Variants in DNAH2 observed in about 807,000 individuals in gnomAD.
DNAH2 encodes the protein dynein axonemal heavy chain 2.
Under a neutral mutation model 523.5 loss-of-function variants are expected in DNAH2, and 323 were observed. That is an observed-to-expected ratio of 0.62 (90% CI 0.56 to 0.68). DNAH2 has a LOEUF of 0.68. Ranked by LOEUF, DNAH2 falls within the 30% of genes least tolerant of loss-of-function variation. The pLI is 0.00. For synonymous variants in DNAH2, 2,093 were observed against 2,177.4 expected (o/e 0.96, Z 1.08); for missense variants, 4,907 against 5,701.5 (o/e 0.86, Z 4.49).
In DNAH2 at chr17:7,824,138, C is replaced by A; in HGVS notation, c.11496C>A (p.Thr3832=). The A allele has an allele frequency of 6.4e-7, 1 of 1,561,726 alleles. No individual in the cohort carries two copies. Among genetic ancestry groups the A allele is most frequent in the African/African-American group, 1.4e-5 (1 of 73,744 alleles). The change falls in exon 76 of 86, where the codon ACC becomes ACA. Residue 3832 remains threonine, a synonymous_variant. Coordinates refer to ENST00000572933, the MANE Select transcript of DNAH2 (RefSeq NM_020877.5). The part of the protein sequence containing the change: ...LNMKSVLEDS[T]PRSPLVFILS... ...TCTGGCAGGTGCTGGAGGATTCAAC[C>A]CCACGATCCCCACTCGTGTTCATCC...
chr17:7,824,705 A>G lies in DNAH2; in HGVS notation c.11831A>G (p.Lys3944Arg). The change falls in exon 77 of 86, where the codon AAG becomes AGG. Residue 3944 changes from lysine (K) to arginine (R), a missense_variant. By Grantham distance (26) the Lys-to-Arg change is conservative (BLOSUM62 2). Around this residue, in one of 3 missense-constraint regions of DNAH2, gnomAD observed 1,851 missense variants for 2,139.4 expected, o/e 0.87. Transcript: ENST00000572933. ...FPISILQVSI[K>R]MTTEPPKGLK... ...ATCTCAATCTTGCAGGTCAGCATCA[A>G]GATGACCACAGAGCCACCAAAGGTA... 6.3e-7 allele frequency: 1 copy of G among 1,582,488 alleles called. No individual in the cohort carries two copies. Among genetic ancestry groups the G allele is most frequent in the Non-Finnish European group, 8.6e-7 (1 of 1,159,268 alleles).
intron 44 of DNAH2, among the ~76,000 whole-genome samples, chr17:7,789,700 C>T (rs1240680344): frequency 6.6e-6 from 1 of 151,990 alleles, no homozygotes; most frequent in Admixed American, 6.6e-5. Context: ...CCTCAGCCTC[C>T]TGAGTAGCTG....
intron 4 of DNAH2, among the ~76,000 whole-genome samples, 185 bp from the exon 5 acceptor site, chr17:7,732,902 C>T (rs983320282): frequency 3.3e-5 from 5 of 152,192 alleles, no homozygotes; most frequent in Admixed American, 1.3e-4. Context: ...CTCTGCATTT[C>T]CTCCCCACAT....
At chr17:7,784,550 T>C (rs1029415609) in intron 39 of DNAH2, among the ~76,000 whole-genome samples, 3 of 151,938 alleles carry the variant, frequency 2.0e-5, no homozygotes, top group African/African-American at 7.3e-5. Flanking sequence ...CTCAACTCAA[T>C]AAAATAAAAT....
At chr17:7,776,949 G>A in intron 32 of DNAH2, 60 bp downstream of exon 32, 8 of 1,402,912 alleles carry the variant, frequency 5.7e-6, no homozygotes, top group Middle Eastern at 1.8e-4. Context: ...AGGCAGAGGT[G>A]GTAGGAGCCC....
At chr17:7,746,072 A>T (rs2075510455) in intron 12 of DNAH2, among the ~76,000 whole-genome samples, 2 of 152,344 alleles carry the variant, frequency 1.3e-5, no homozygotes, top group South Asian at 2.1e-4. Flanking sequence ...ACAAAGAATG[A>T]ACAACCAAGA....
chr17:7,790,047 A>C (rs1034671944), intron 44 of DNAH2, among the ~76,000 whole-genome samples: 1 of 152,080 alleles, frequency 6.6e-6, no homozygotes. Context: ...TCCCTTTGCC[A>C]GGGATGGTTT....
At chr17:7,813,864 C>T (rs899144277) in intron 63 of DNAH2, among the ~76,000 whole-genome samples, 8 of 150,116 alleles carry the variant, frequency 5.3e-5, no homozygotes, top group African/African-American at 1.2e-4. Context: ...GCCAAGATGG[C>T]GCCACTGCAC....
chr17:7,801,092 C>T (rs1214785292), intron 56 of DNAH2, among the ~76,000 whole-genome samples: 1 of 151,810 alleles, frequency 6.6e-6, no homozygotes, highest in Non-Finnish European at 1.5e-5. Context: ...AGGATGGTTT[C>T]GAACACGTGG....
chr17:7,767,262 C>T (rs1192734337), intron 22 of DNAH2, among the ~76,000 whole-genome samples: 1 of 152,122 alleles, frequency 6.6e-6, no homozygotes, highest in African/African-American at 2.4e-5. Flanking sequence ...TGGCATGGAT[C>T]AGTACTTTTT....
intron 46 of DNAH2, 106 bp downstream of exon 46, chr17:7,792,449 G>A: frequency 8.0e-7 from 1 of 1,249,658 alleles, no homozygotes; most frequent in Non-Finnish European, 1.2e-6. Flanking sequence ...GGAAGGAGAA[G>A]GTGGGTCCCA....
rs1233128971 is a variant in DNAH2 at position 7,717,923 on chromosome 17, G to A, written c.-891G>A. Reference sequence around the variant, plus strand: ...AGGAAGGGACAGTTGTTGGGGAGAAGAGGCAGTTGTGGAGGGAGAGGGAGC... The same window carrying A: ...AGGAAGGGACAGTTGTTGGGGAGAAAAGGCAGTTGTGGAGGGAGAGGGAGC... On this transcript the variant is annotated 5_prime_UTR_variant, in exon 1 of 86. Coordinates refer to ENST00000572933, the MANE Select transcript of DNAH2 (RefSeq NM_020877.5). 1.3e-5 allele frequency: 2 copies of A among 151,274 alleles called. No homozygotes were observed. The highest frequency in any genetic ancestry group is 2.9e-5 in the Non-Finnish European group (2 of 67,862). 9.4% of individuals were successfully genotyped at this position (151,274 alleles called of 1,614,324 possible).
chr17:7,726,933 C>T (rs939823733), intron 3 of DNAH2, among the ~76,000 whole-genome samples, 189 bp from the exon 4 acceptor site: 5 of 152,242 alleles, frequency 3.3e-5, no homozygotes, highest in African/African-American at 1.2e-4. Flanking sequence ...TGTTTTATTA[C>T]TCTTAGAGGC....
At chr17:7,739,156 A>G (rs574583525) in intron 8 of DNAH2, 16 of 565,780 alleles carry the variant, frequency 2.8e-5, no homozygotes, top group Non-Finnish European at 4.9e-5. Context: ...CTGTAATCCC[A>G]GCACTTTGGG....
At chr17:7,751,543 ATTGT>A (rs1476396141) in intron 12 of DNAH2, among the ~76,000 whole-genome samples, 1 of 151,978 alleles carries the variant, frequency 6.6e-6, no homozygotes, top group Non-Finnish European at 1.5e-5. Context: ...TTTGTATTTC[ATTGT>A]TTGTTTGTTT....
rs1403268533 is a variant in DNAH2 at position 7,755,912 on chromosome 17, G to A, written c.1905-1179G>A. Among the ~76,000 whole-genome samples the A allele has an allele frequency of 3.3e-5, 5 of 150,486 alleles. No individual in the cohort carries two copies. In the East Asian group the frequency reaches 9.9e-4, roughly 30 times the overall value. On this transcript the variant is annotated intron_variant, in intron 12 of 85. Coordinates refer to ENST00000572933, the MANE Select transcript of DNAH2 (RefSeq NM_020877.5). ...CCTCCCAGGTTCAAGCGATTCTCCTGCCTCAGCCTCCTGACTGATATCTCA... is the reference window on the plus strand; with the variant it reads ...CCTCCCAGGTTCAAGCGATTCTCCTACCTCAGCCTCCTGACTGATATCTCA...
At chr17:7,814,790 C>T (rs1483104935) in intron 63 of DNAH2, among the ~76,000 whole-genome samples, 3 of 152,118 alleles carry the variant, frequency 2.0e-5, no homozygotes, top group East Asian at 1.9e-4. Context: ...GCAGAGGTTG[C>T]GGTGAGGTGA....
In DNAH2 at chr17:7,796,664, C is replaced by T; in HGVS notation, c.7863+12C>T. On this transcript the variant is annotated intron_variant, in intron 50 of 85. Coordinates refer to ENST00000572933, the MANE Select transcript of DNAH2 (RefSeq NM_020877.5). ...GAGACATCTCCAAGGTGACTCGCGGCCTGACCTTGCCCCTTCTGCTTGGCC... is the reference window on the plus strand; with the variant it reads ...GAGACATCTCCAAGGTGACTCGCGGTCTGACCTTGCCCCTTCTGCTTGGCC... 3 of 1,605,812 alleles carry T rather than the reference C, an allele frequency of 1.9e-6. No homozygotes were observed. Among genetic ancestry groups the T allele is most frequent in the Non-Finnish European group, 2.6e-6 (3 of 1,176,226 alleles).
In DNAH2 at chr17:7,797,545, G is replaced by C. The variant is rs2077100366; in HGVS notation, c.8080+15G>C. 6.2e-7 allele frequency: 1 copy of C among 1,614,178 alleles called. No homozygotes were observed. The highest frequency in any genetic ancestry group is 8.5e-7 in the Non-Finnish European group (1 of 1,180,022). ...TCCTATCTTTGGTGAGCCAGGAGCT[G>C]TGATGACCTTGGGCTTGACACTCTT... On this transcript the variant is annotated intron_variant, in intron 52 of 85. Coordinates refer to ENST00000572933, the MANE Select transcript of DNAH2 (RefSeq NM_020877.5).
Sources: allele counts gnomAD v4.1 joint callset (sites outside exome capture counted in the v4.1 genomes callset), GRCh38; gene constraint gnomAD v4.1.1; regional missense constraint gnomAD v4.1.1; transcripts MANE v1.5; gene names NCBI Gene and HGNC (gene_info 2026-07-23, HGNC 2026-07-21).